Variants in SLITRK1 observed in about 807,000 individuals in gnomAD.
SLITRK1 encodes SLIT and NTRK-like protein 1.
In SLITRK1, 10 loss-of-function variants were observed where a neutral mutation model predicts 42.4. The observed-to-expected ratio is 0.24, with a 90% CI of 0.15 to 0.40. The LOEUF is 0.40. Among genes scored for constraint, SLITRK1 ranks in the 10% least tolerant of loss-of-function variants. The probability of loss-of-function intolerance (pLI) is 1.00; values close to 1 mark genes in which losing one functional copy is unlikely to be tolerated. For missense variants in SLITRK1, 778 were observed against 848.8 expected (o/e 0.92, Z 1.04); for synonymous variants, 389 against 365.7 (o/e 1.06, Z -0.73).
In SLITRK1 at chr13:83,881,017, T is replaced by C. The variant is rs774612607; in HGVS notation, c.491A>G (p.Asn164Ser). The C allele has an allele frequency of 6.2e-7, 1 of 1,613,980 alleles. No homozygotes were observed. ...NKLEVLILNDNLISTLPANVF... is the reference protein window; with the variant it reads ...NKLEVLILNDSLISTLPANVF... ...GTTGGCAGGTAGGGTGCTGATGAGA[T>C]TGTCATTTAAAATGAGCACCTCCAG... The change falls in exon 2 of 2, where the codon AAT becomes AGT. Residue 164 changes from asparagine to serine, a missense_variant. Coordinates refer to ENST00000674365, the MANE Select transcript of SLITRK1 (RefSeq NM_001281503.2).
chr13:83,880,129 T>C lies in SLITRK1; in HGVS notation c.1379A>G (p.Gln460Arg). Residue 460 changes from glutamine (Q) to arginine (R), a missense_variant, in exon 2 of 2, where the codon CAG becomes CGG. Transcript: ENST00000674365. ...EYLNVEYNAI[Q>R]LILPGTFNAM... ...ATTGAAAGTGCCCGGGAGGATGAGC[T>C]GGATAGCGTTGTACTCCACGTTCAG... 1 of 1,613,928 alleles carries C rather than the reference T, an allele frequency of 6.2e-7. No homozygotes were observed. The highest frequency in any genetic ancestry group is 8.5e-7 in the Non-Finnish European group (1 of 1,179,966).
In SLITRK1 at chr13:83,881,127, C is replaced by A. The variant is rs1884805037; in HGVS notation, c.381G>T (p.Leu127=). The change falls in exon 2 of 2, where the codon CTG becomes CTT. Residue 127 remains leucine (L), a synonymous_variant. Coordinates refer to ENST00000674365, the MANE Select transcript of SLITRK1 (RefSeq NM_001281503.2). ...GGAGATATTCCAGATCGTCCAGCCC[C>A]AGAAAAGTCTGCTTTCGAAAAGACT... ...KIKSFRKQTF[L]GLDDLEYLQA... is the part of the protein sequence containing the mutation. 3.1e-6 allele frequency: 5 copies of A among 1,614,136 alleles called. No homozygotes were observed. The highest frequency in any genetic ancestry group is 4.2e-6 in the Non-Finnish European group (5 of 1,180,036).
rs768805156 is a variant in SLITRK1, at chr13:83,879,460, G to A, written c.2048C>T (p.Ala683Val). 55 of 1,613,690 alleles carry A rather than the reference G, an allele frequency of 3.4e-5. 1 individual carries two copies. The South Asian group carries it at 5.9e-4, about 17-fold the overall frequency. ...AGAGCCACAGTCATACACTCTGTGG[G>A]CCCCATCTGCGTTGTAAGGCCCATT... ...WHNGPYNADG[A>V]HRVYDCGSHS... The change falls in exon 2 of 2, where the codon GCC becomes GTC. Residue 683 changes from alanine (A) to valine (V), a missense_variant. Around this residue, in one of 4 missense-constraint regions of SLITRK1, gnomAD observed 164 missense variants for 158.2 expected, o/e 1.04. Transcript: ENST00000674365.
chr13:83,880,467 G>A lies in SLITRK1; in HGVS notation c.1041C>T (p.Cys347=). ...NSLPCPGGCS[C]DHIPGSGLKM... ...TTAAACCCGACCCTGGGATGTGGTCGCAGCTGCAGCCCCCAGGGCAGGGTA... is the reference window on the plus strand; with the variant it reads ...TTAAACCCGACCCTGGGATGTGGTCACAGCTGCAGCCCCCAGGGCAGGGTA... The change falls in exon 2 of 2, where the codon TGC becomes TGT. Residue 347 remains cysteine, a synonymous_variant. Transcript: ENST00000674365. 6.2e-7 allele frequency: 1 copy of A among 1,614,032 alleles called. No homozygotes were observed. Among genetic ancestry groups the A allele is most frequent in the Non-Finnish European group, 8.5e-7 (1 of 1,180,030 alleles).
Position 83,878,483 on chromosome 13 carries a change from G to A in SLITRK1, c.*934C>T, listed in dbSNP as rs933837195. On this transcript the variant is annotated 3_prime_UTR_variant, in exon 2 of 2. Coordinates refer to ENST00000674365, the MANE Select transcript of SLITRK1 (RefSeq NM_001281503.2). ...CACTGATACTATAATAGAAATCATG[G>A]GTACTTATTTTACATTCAGATGGAA... 1 of 151,412 alleles carries A rather than the reference G, an allele frequency of 6.6e-6. No homozygotes were observed. The highest frequency in any genetic ancestry group is 2.4e-5 in the African/African-American group (1 of 40,988). The allele number at this position is 151,412 out of a possible 1,614,324, so 9.4% of individuals were successfully genotyped here. A position where few individuals can be genotyped will look rare whatever the true frequency, so the allele number is the denominator to read the frequency against.
At position 83,880,325 on chromosome 13, in the gene SLITRK1, A is replaced by G; in HGVS notation, c.1183T>C (p.Phe395Leu). ...NKIHSIRKSHFVDYKNLILLD... is the reference protein window; with the variant it reads ...NKIHSIRKSHLVDYKNLILLD... Reference sequence around the variant, plus strand: ...AGAATGAGGTTCTTGTAATCCACAAAGTGCGATTTTCGGATGCTGTGGATC... The same window carrying G: ...AGAATGAGGTTCTTGTAATCCACAAGGTGCGATTTTCGGATGCTGTGGATC... The change falls in exon 2 of 2, where the codon TTT becomes CTT. Residue 395 changes from phenylalanine to leucine, a missense_variant. This residue lies in a region of SLITRK1 where 395 missense variants were observed against 360.4 expected (regional missense o/e 1.10). Transcript: ENST00000674365. 1 of 1,613,986 alleles carries G rather than the reference A, an allele frequency of 6.2e-7. No individual in the cohort carries two copies. Among genetic ancestry groups the G allele is most frequent in the Non-Finnish European group, 8.5e-7 (1 of 1,180,020 alleles).
chr13:83,877,677 T>C lies in SLITRK1; in HGVS notation c.*1740A>G, dbSNP rs888255974. On this transcript the variant is annotated 3_prime_UTR_variant, in exon 2 of 2. Coordinates refer to ENST00000674365, the MANE Select transcript of SLITRK1 (RefSeq NM_001281503.2). ...TGCTTTAACAAATTTCAATATGCAGTTGCTGGGGCGGGGAGGGTGGGTGGG... is the reference window on the plus strand; with the variant it reads ...TGCTTTAACAAATTTCAATATGCAGCTGCTGGGGCGGGGAGGGTGGGTGGG... 3.6e-4 allele frequency: 31 copies of C among 85,074 alleles called. No homozygotes were observed. Among genetic ancestry groups the C allele is most frequent in the Admixed American group, 1.1e-3 (6 of 5,546 alleles). The allele number at this position is 85,074 out of a possible 1,614,324, so 5.3% of individuals were successfully genotyped here. A position where few individuals can be genotyped will look rare whatever the true frequency, so the allele number is the denominator to read the frequency against.
rs1382826962 is a variant in SLITRK1 at position 83,882,009 on chromosome 13, C to T, written c.-59G>A. 5.9e-6 allele frequency: 1 copy of T among 168,732 alleles called. No individual in the cohort carries two copies. The highest frequency in any genetic ancestry group is 1.9e-4 in the East Asian group (1 of 5,174). The allele number at this position is 168,732 out of a possible 1,614,324, so 10.5% of individuals were successfully genotyped here. ...TGGCTGTGCGTCGGACTGACCTTGC[C>T]TCTCTGATACAAAGCAGGGTTTTCC... On this transcript the variant is annotated 5_prime_UTR_variant, in exon 1 of 2. Transcript: ENST00000674365.
rs1884794165 is a variant in SLITRK1 at position 83,880,659 on chromosome 13, A to G, written c.849T>C (p.Pro283=). The G allele has an allele frequency of 1.9e-6, 3 of 1,614,162 alleles. No individual in the cohort carries two copies. In the South Asian group the frequency reaches 3.3e-5, roughly 18 times the overall value. ...TCTTGAAAGGAGTTGGCAGGGGTCC[A>G]GGAGCAAAGGTCTCTTCTTGGGCAG... ...APPAQEETFA[P]GPLPTPFKTN... is the part of the protein sequence containing the mutation. Residue 283 remains proline (P), a synonymous_variant, in exon 2 of 2, where the codon CCT becomes CCC. Transcript: ENST00000674365.
rs755057116 is a variant in SLITRK1, at chr13:83,880,649, G to T, written c.859C>A (p.Pro287Thr). Reference protein sequence around the residue: ...QEETFAPGPLPTPFKTNGQED... With the variant: ...QEETFAPGPLTTPFKTNGQED... ...TGCCCATTTGTCTTGAAAGGAGTTG[G>T]CAGGGGTCCAGGAGCAAAGGTCTCT... The change falls in exon 2 of 2, where the codon CCA becomes ACA. Residue 287 changes from proline (P) to threonine (T), a missense_variant. Coordinates refer to ENST00000674365, the MANE Select transcript of SLITRK1 (RefSeq NM_001281503.2). 6.2e-7 allele frequency: 1 copy of T among 1,614,146 alleles called. No homozygotes were observed. Among genetic ancestry groups the T allele is most frequent in the South Asian group, 1.1e-5 (1 of 91,078 alleles).
In SLITRK1 at chr13:83,880,695, G is replaced by A; in HGVS notation, c.813C>T (p.Leu271=). 6.2e-7 allele frequency: 1 copy of A among 1,614,112 alleles called. No individual in the cohort carries two copies. The highest frequency in any genetic ancestry group is 8.5e-7 in the Non-Finnish European group (1 of 1,180,032). The change falls in exon 2 of 2, where the codon CTC becomes CTT. Residue 271 remains leucine, a synonymous_variant. Coordinates refer to ENST00000674365, the MANE Select transcript of SLITRK1 (RefSeq NM_001281503.2). ...TCTCTTCTTGGGCAGGGGGCGCCGG[G>A]AGACTAGAATCCACTCGGTTTTTCA... is the stretch of plus-strand genomic sequence containing the variant. ...CPLKNRVDSS[L]PAPPAQEETF... is the part of the protein sequence containing the mutation.
At position 83,880,813 on chromosome 13, in the gene SLITRK1, T is replaced by C; in HGVS notation, c.695A>G (p.Lys232Arg). The change falls in exon 2 of 2, where the codon AAG (lysine) becomes AGG (arginine). Residue 232 changes from lysine (K) to arginine (R), a missense_variant. Lys to Arg is a conservative substitution (Grantham distance 26, BLOSUM62 2). This residue lies in a region of SLITRK1 where 204 missense variants were observed against 295.3 expected (regional missense o/e 0.69). Transcript: ENST00000674365. ...SLKEWLENIP[K>R]NALIGRVVCE... Reference sequence around the variant, plus strand: ...GACCACTCGGCCGATCAGGGCATTCTTGGGAATGTTTTCCAGCCATTCTTT... The same window carrying C: ...GACCACTCGGCCGATCAGGGCATTCCTGGGAATGTTTTCCAGCCATTCTTT... 6.2e-7 allele frequency: 1 copy of C among 1,614,158 alleles called. No homozygotes were observed. Among genetic ancestry groups the C allele is most frequent in the Non-Finnish European group, 8.5e-7 (1 of 1,180,038 alleles).
rs1477732469 is a variant in SLITRK1, at chr13:83,878,600, C to T, written c.*817G>A. ...ATCAAAATAAAAGAACCCAAAACAA[C>T]CCCTAAAAACTTCCCTCAACAAAAT... On this transcript the variant is annotated 3_prime_UTR_variant, in exon 2 of 2. Coordinates refer to ENST00000674365, the MANE Select transcript of SLITRK1 (RefSeq NM_001281503.2). 2 of 152,392 alleles carry T rather than the reference C, an allele frequency of 1.3e-5. No homozygotes were observed. Among genetic ancestry groups the T allele is most frequent in the African/African-American group, 4.8e-5 (2 of 41,368 alleles). 9.4% of individuals were successfully genotyped at this position (152,392 alleles called of 1,614,324 possible). A position where few individuals can be genotyped will look rare whatever the true frequency, so the allele number is the denominator to read the frequency against.
rs1884767310 is a variant in SLITRK1, at chr13:83,879,685, G to C, written c.1823C>G (p.Ser608Cys). 1 of 1,613,884 alleles carries C rather than the reference G, an allele frequency of 6.2e-7. No homozygotes were observed. The highest frequency in any genetic ancestry group is 8.5e-7 in the Non-Finnish European group (1 of 1,180,024). The stretch of plus-strand genomic sequence containing the variant: ...GGACACCCTGCTGGTGTCTAGGTAG[G>C]AGTTGGAGTGCGTCCCGGTCTCCGC... ...GLAETGTHSN[S>C]YLDTSRVSIS... is the part of the protein sequence containing the mutation. The change falls in exon 2 of 2, where the codon TCC becomes TGC. Residue 608 changes from serine (S) to cysteine (C), a missense_variant. Ser to Cys is a moderately radical substitution (Grantham distance 112). This residue lies in a region of SLITRK1 where 164 missense variants were observed against 158.2 expected (regional missense o/e 1.04). Transcript: ENST00000674365.
rs1390899607 is a variant in SLITRK1 at position 83,879,794 on chromosome 13, G to A, written c.1714C>T (p.Leu572Phe). The change falls in exon 2 of 2, where the codon CTC (leucine) becomes TTC (phenylalanine). Residue 572 changes from leucine (L) to phenylalanine (F), a missense_variant. Transcript: ENST00000674365. ...TGAGGGCAGATCTCGTCATTGGAGA[G>A]GAGCATGAAATCCTTTCTAAAGAAG... is the stretch of plus-strand genomic sequence containing the variant. ...VNFFRKDFML[L>F]SNDEICPQLY... The A allele has an allele frequency of 1.2e-6, 2 of 1,613,910 alleles. No homozygotes were observed. The highest frequency in any genetic ancestry group is 2.2e-5 in the East Asian group (1 of 44,868).
At position 83,880,243 on chromosome 13, in the gene SLITRK1, A is replaced by G; in HGVS notation, c.1265T>C (p.Leu422Pro). 3 of 1,614,056 alleles carry G rather than the reference A, an allele frequency of 1.9e-6. No homozygotes were observed. Among genetic ancestry groups the G allele is most frequent in the Non-Finnish European group, 2.5e-6 (3 of 1,180,022 alleles). The change falls in exon 2 of 2, where the codon CTT becomes CCT. Residue 422 changes from leucine (L) to proline (P), a missense_variant. By Grantham distance (98) the Leu-to-Pro change is moderately conservative. This residue lies in a region of SLITRK1 where 395 missense variants were observed against 360.4 expected (regional missense o/e 1.10). Transcript: ENST00000674365. ...CATGTATAGCCACCTGAGGTCCAAAAGGTTCTTGAAAGTGTTGTTCTCTAC... is the reference window on the plus strand; with the variant it reads ...CATGTATAGCCACCTGAGGTCCAAAGGGTTCTTGAAAGTGTTGTTCTCTAC... ...ATVENNTFKN[L>P]LDLRWLYMDS... is the part of the protein sequence containing the mutation.
Position 83,881,236 on chromosome 13 carries a change from T to C in SLITRK1, c.272A>G (p.Asn91Ser), listed in dbSNP as rs1884807686. 1 of 1,613,980 alleles carries C rather than the reference T, an allele frequency of 6.2e-7. No homozygotes were observed. Among genetic ancestry groups the C allele is most frequent in the Admixed American group, 1.7e-5 (1 of 59,994 alleles). The stretch of plus-strand genomic sequence containing the variant: ...CGGAACGATTTCATGCAAGCCATTG[T>C]TTTCCATGTGCAAACTAACCGCATT... ...FYNAVSLHME[N>S]NGLHEIVPGA... Residue 91 changes from asparagine to serine, a missense_variant, in exon 2 of 2, where the codon AAC (asparagine) becomes AGC (serine). Asn to Ser is a conservative substitution (Grantham distance 46, BLOSUM62 1). Transcript: ENST00000674365.
rs187663406 is a variant in SLITRK1, at chr13:83,879,301, C to T, written c.*116G>A. 127 of 1,293,198 alleles carry T rather than the reference C, an allele frequency of 9.8e-5. 1 individual carries two copies. The highest frequency in any genetic ancestry group is 5.2e-4 in the Middle Eastern group (2 of 3,836). The allele number at this position is 1,293,198 out of a possible 1,614,324, so 80.1% of individuals were successfully genotyped here. A position where few individuals can be genotyped will look rare whatever the true frequency, so the allele number is the denominator to read the frequency against. Reference sequence around the variant, plus strand: ...GCTCACAGTTATTTATCTACTTATGCCCATCCAGGCTGATGGCGCGGGGAT... The same window carrying T: ...GCTCACAGTTATTTATCTACTTATGTCCATCCAGGCTGATGGCGCGGGGAT... On this transcript the variant is annotated 3_prime_UTR_variant, in exon 2 of 2. Coordinates refer to ENST00000674365, the MANE Select transcript of SLITRK1 (RefSeq NM_001281503.2).
In SLITRK1 at chr13:83,879,508, ACTGT is replaced by A. The variant is rs1166090425; in HGVS notation, c.1996_1999del (p.Thr666SerfsTer71). On this transcript the variant is annotated frameshift_variant, in exon 2 of 2. Transcript: ENST00000674365. LOFTEE classifies it high-confidence loss of function. ...ATTGTGCCAGTAGGAAGAGTCACAG[ACTGT>A]CTGTAGGGAATTAATCTCGGACGCG... 1.2e-6 allele frequency: 2 copies of A among 1,613,962 alleles called. No homozygotes were observed. The highest frequency in any genetic ancestry group is 1.7e-5 in the Admixed American group (1 of 60,016).
Sources: gnomAD v4.1 joint callset for allele counts on GRCh38, gnomAD v4.1.1 for gene constraint, gnomAD v4.1.1 regional missense constraint, MANE v1.5 for transcripts, NCBI Gene and HGNC (gene_info 2026-07-23, HGNC 2026-07-21) for gene names.